BMPER: variants seen among roughly 807,000 people sequenced by gnomAD.
The protein encoded by BMPER is BMP-binding endothelial regulator protein.
Under a neutral mutation model 87.3 loss-of-function variants are expected in BMPER, and 45 were observed. The observed-to-expected ratio is 0.52, with a 90% CI of 0.41 to 0.66. BMPER has a LOEUF of 0.66. Among genes scored for constraint, BMPER ranks in the 30% least tolerant of loss-of-function variants. The pLI is 0.00. For synonymous variants in BMPER, 326 were observed against 316.2 expected (o/e 1.03, Z -0.33); for missense variants, 784 against 867.5 (o/e 0.90, Z 1.21).
At chr7:34,037,468 T>C (rs538932595) in intron 6 of BMPER, among the ~76,000 whole-genome samples, 1 of 152,090 alleles carries the variant, frequency 6.6e-6, no homozygotes, top group African/African-American at 2.4e-5. Context: ...GGTTGAGGCA[T>C]TTTTCTGTAA....
intron 13 of BMPER, among the ~76,000 whole-genome samples, chr7:34,099,419 G>T (rs1789617613): frequency 1.3e-5 from 2 of 151,976 alleles, no homozygotes; most frequent in South Asian, 4.2e-4. Flanking sequence ...TCATTTTGAA[G>T]GATTTTTTTT....
intron 13 of BMPER, among the ~76,000 whole-genome samples, chr7:34,109,334 T>C (rs923703110): frequency 6.6e-6 from 1 of 152,232 alleles, no homozygotes; most frequent in African/African-American, 2.4e-5. Context: ...ATTGACTGTA[T>C]GAGGCCCACA....
intron 6 of BMPER, among the ~76,000 whole-genome samples, chr7:33,979,832 T>C (rs1459363287): frequency 6.6e-6 from 1 of 152,216 alleles, no homozygotes; most frequent in African/African-American, 2.4e-5. Context: ...ACCCACTTAG[T>C]TACACTCTCT....
At chr7:33,942,111 G>T (rs1018695426) in intron 3 of BMPER, among the ~76,000 whole-genome samples, 2 of 151,956 alleles carry the variant, frequency 1.3e-5, no homozygotes, top group African/African-American at 4.8e-5. Flanking sequence ...AATAGTGAAA[G>T]CTTACTAGAT....
chr7:33,981,813 C>T lies in BMPER; in HGVS notation c.576+7029C>T, dbSNP rs540257357. Among the ~76,000 whole-genome samples the T allele has an allele frequency of 8.1e-4, 124 of 152,310 alleles. 1 individual carries two copies. The highest frequency in any genetic ancestry group is 1.4e-3 in the East Asian group (7 of 5,184). The stretch of plus-strand genomic sequence containing the variant: ...CTCAGAAAGAAAAAGAGATTCATTT[C>T]AGCTGCTGTAGAGCTTATGATAAAT... On this transcript the variant is annotated intron_variant, in intron 6 of 14. Transcript: ENST00000649409.
intron 13 of BMPER, among the ~76,000 whole-genome samples, chr7:34,136,617 T>C (rs1790726307): frequency 6.6e-6 from 1 of 152,192 alleles, no homozygotes; most frequent in Non-Finnish European, 1.5e-5. Flanking sequence ...ATGCCTTCAC[T>C]CACTTCTATG....
intron 1 of BMPER, 69 bp downstream of exon 1, chr7:33,905,815 GC>G: frequency 7.2e-7 from 1 of 1,392,570 alleles, no homozygotes; most frequent in Non-Finnish European, 9.9e-7. Flanking sequence ...GGTGGCGCTG[GC>G]TTGCCCCGGG....
At chr7:34,045,148 C>T (rs1562707580) in intron 6 of BMPER, among the ~76,000 whole-genome samples, 1 of 152,024 alleles carries the variant, frequency 6.6e-6, no homozygotes, top group Non-Finnish European at 1.5e-5. Context: ...CCCAGAGAAG[C>T]GAATTCATTG....
At chr7:34,000,681 T>C (rs1423289767) in intron 6 of BMPER, among the ~76,000 whole-genome samples, 1 of 152,150 alleles carries the variant, frequency 6.6e-6, no homozygotes, top group South Asian at 2.1e-4. Context: ...CATGATACTA[T>C]ATTTTAAGTT....
chr7:33,979,620 G>A (rs993932170), intron 6 of BMPER, among the ~76,000 whole-genome samples: 2 of 152,148 alleles, frequency 1.3e-5, no homozygotes, highest in Middle Eastern at 3.4e-3. Flanking sequence ...GCCTATTCTC[G>A]TCTGGGAGAG....
intron 6 of BMPER, among the ~76,000 whole-genome samples, chr7:33,995,750 G>A (rs1003085451): frequency 9.2e-5 from 14 of 152,146 alleles, no homozygotes; most frequent in African/African-American, 2.9e-4. Context: ...CCTATTTCAG[G>A]TGTTGTCCAA....
At chr7:33,963,284 G>A (rs1349232646) in intron 3 of BMPER, among the ~76,000 whole-genome samples, 1 of 152,150 alleles carries the variant, frequency 6.6e-6, no homozygotes, top group Admixed American at 6.5e-5. Flanking sequence ...CCCAGAATGT[G>A]TCCCAGAATG....
chr7:34,143,929 T>G (rs1790947697), intron 14 of BMPER, among the ~76,000 whole-genome samples: 1 of 152,230 alleles, frequency 6.6e-6, no homozygotes. Flanking sequence ...GTGCTGACAC[T>G]GGGTACTTTC....
At chr7:34,107,324 A>G (rs984346304) in intron 13 of BMPER, among the ~76,000 whole-genome samples, 6 of 152,236 alleles carry the variant, frequency 3.9e-5, no homozygotes, top group East Asian at 3.8e-4. Context: ...AGCACAGAGC[A>G]TCTTAATCTC....
intron 6 of BMPER, among the ~76,000 whole-genome samples, chr7:34,013,242 T>C (rs1235400998): frequency 1.3e-5 from 2 of 151,740 alleles, no homozygotes; most frequent in Non-Finnish European, 2.9e-5. Flanking sequence ...TCCATTCTCT[T>C]TAAAGCCAGA....
intron 2 of BMPER, among the ~76,000 whole-genome samples, chr7:33,921,453 T>C (rs1170720720): frequency 6.6e-6 from 1 of 152,226 alleles, no homozygotes; most frequent in Non-Finnish European, 1.5e-5. Context: ...ACCAGAATTC[T>C]GTCCAATCCC....
chr7:34,147,956 G>C (rs560637920), intron 14 of BMPER, among the ~76,000 whole-genome samples: 13 of 152,258 alleles, frequency 8.5e-5, no homozygotes, highest in African/African-American at 3.1e-4. Flanking sequence ...AAGCTGTGCT[G>C]AATTGAAGGC....
At chr7:34,032,548 GA>G (rs1172585621) in intron 6 of BMPER, among the ~76,000 whole-genome samples, 1 of 152,152 alleles carries the variant, frequency 6.6e-6, no homozygotes, top group African/African-American at 2.4e-5. Context: ...TTGGATGAAA[GA>G]AATGTCCTCT....
chr7:33,917,176 C>T (rs1197373724), intron 2 of BMPER, among the ~76,000 whole-genome samples: 1 of 152,106 alleles, frequency 6.6e-6, no homozygotes, highest in Non-Finnish European at 1.5e-5. Flanking sequence ...CAAAAAGTCA[C>T]AATGAAAAAT....
Sources: gnomAD v4.1 joint callset for allele counts (sites outside exome capture counted in the v4.1 genomes callset) on GRCh38, gnomAD v4.1.1 for gene constraint, MANE v1.5 for transcripts, NCBI Gene and HGNC (gene_info 2026-07-23, HGNC 2026-07-21) for gene names.